NDRG2: variants seen among roughly 807,000 people sequenced by gnomAD.
The protein encoded by NDRG2 is protein NDRG2.
A neutral mutation model predicts 58.2 loss-of-function variants in NDRG2; 34 were observed. The ratio of observed to expected loss-of-function variants is 0.58; its 90% CI spans 0.44 to 0.78. NDRG2 has a LOEUF of 0.78. NDRG2 is among the 30% of genes least tolerant of loss of function. The pLI is 0.00. For missense variants in NDRG2, 434 were observed against 471.2 expected (o/e 0.92, Z 0.73); for synonymous variants, 187 against 175.9 (o/e 1.06, Z -0.50).
At chr14:21,054,663 C>A (rs1885600318) in intron 1 of NDRG2, among the ~76,000 whole-genome samples, 1 of 152,126 alleles carries the variant, frequency 6.6e-6, no homozygotes, top group African/African-American at 2.4e-5. Context: ...AACTTTGGAG[C>A]CAAACAGAAC....
intron 1 of NDRG2, among the ~76,000 whole-genome samples, chr14:21,039,767 C>T (rs1310106527): frequency 6.6e-6 from 1 of 152,172 alleles, no homozygotes; most frequent in Non-Finnish European, 1.5e-5. Flanking sequence ...CTCTCTTTTC[C>T]CTTTGGACTG....
At chr14:21,052,008 A>G (rs372778686) in intron 1 of NDRG2, among the ~76,000 whole-genome samples, 125 of 152,286 alleles carry the variant, frequency 8.2e-4, no homozygotes, top group African/African-American at 2.8e-3. Flanking sequence ...AGAGTCTACT[A>G]TTAGGCCTCT....
At chr14:21,027,770 A>G (rs1483124613), upstream of NDRG2, among the ~76,000 whole-genome samples, 3 of 152,352 alleles carry the variant, frequency 2.0e-5, no homozygotes, top group South Asian at 4.1e-4. Context: ...GCTGTGGCCC[A>G]CAGTCTAGAA....
intron 1 of NDRG2, chr14:21,030,858 C>T: frequency 6.6e-7 from 1 of 1,512,956 alleles, no homozygotes; most frequent in South Asian, 1.3e-5. Flanking sequence ...CTACCAAGCA[C>T]CACAGGGTAC....
chr14:21,045,929 C>T (rs946292520), intron 1 of NDRG2, among the ~76,000 whole-genome samples: 2 of 151,982 alleles, frequency 1.3e-5, no homozygotes, highest in East Asian at 3.9e-4. Flanking sequence ...TATGTGAAAG[C>T]TCATTGAACT....
Position 21,018,839 on chromosome 14 carries a change from G to A in NDRG2, c.762-25C>T, listed in dbSNP as rs76817811. On this transcript the variant is annotated intron_variant, in intron 11 of 15. Transcript: ENST00000556147. The stretch of plus-strand genomic sequence containing the variant: ...CCTAAAGACACAGTGTTGGGGAGAA[G>A]GCAGTGAGCCCCTGGCACTCCCTCA... The A allele has an allele frequency of 3.1e-4, 507 of 1,613,962 alleles. No individual in the cohort carries two copies. In the African/African-American group the frequency reaches 6.0e-3, roughly 19 times the overall value.
chr14:21,029,075 A>G (rs953583925), upstream of NDRG2: 2 of 152,178 alleles, frequency 1.3e-5, no homozygotes, highest in Admixed American at 6.5e-5. Flanking sequence ...CCCTCAGTCT[A>G]TCCCAGTTTT....
intron 1 of NDRG2, among the ~76,000 whole-genome samples, chr14:21,039,699 T>C (rs1171153387): frequency 6.6e-6 from 1 of 152,214 alleles, no homozygotes; most frequent in Non-Finnish European, 1.5e-5. Context: ...TTCAGTTGAA[T>C]TGCACGTATG....
intron 1 of NDRG2, chr14:21,036,332 GGGTA>G (rs1884626405): frequency 6.7e-6 from 3 of 447,152 alleles, no homozygotes; most frequent in Admixed American, 2.4e-5. Context: ...GTTTCTCATA[GGGTA>G]GGGGTGCCCA....
At chr14:21,034,155 G>T in intron 1 of NDRG2, 1 of 1,614,108 alleles carries the variant, frequency 6.2e-7, no homozygotes, top group Non-Finnish European at 8.5e-7. Context: ...GAAACCCTTT[G>T]GGTAGTTAAC....
chr14:21,055,870 T>C (rs953344877), intron 1 of NDRG2, among the ~76,000 whole-genome samples: 6 of 151,048 alleles, frequency 4.0e-5, no homozygotes, highest in African/African-American at 1.5e-4. Flanking sequence ...TGGGAGGGAG[T>C]AGTGCAGAGG....
chr14:21,018,581 G>C, intron 12 of NDRG2, 77 bp from the exon 13 acceptor site: 1 of 1,575,770 alleles, frequency 6.3e-7, no homozygotes, highest in Non-Finnish European at 8.6e-7. Context: ...CAGGAACCCA[G>C]ACCCCAGTCC....
intron 1 of NDRG2, among the ~76,000 whole-genome samples, chr14:21,058,855 T>G (rs963959845): frequency 6.6e-6 from 1 of 152,172 alleles, no homozygotes; most frequent in Non-Finnish European, 1.5e-5. Flanking sequence ...CTGTTGCTGA[T>G]GGAGTGTGTG....
chr14:21,058,238 C>G, intron 1 of NDRG2: 1 of 1,614,112 alleles, frequency 6.2e-7, no homozygotes. Context: ...AGGGAAGTAC[C>G]CAAACTGCAG....
chr14:21,042,905 G>A, intron 1 of NDRG2: 1 of 1,108,850 alleles, frequency 9.0e-7, no homozygotes, highest in Non-Finnish European at 1.3e-6. Flanking sequence ...TAGCTCATAT[G>A]AGCAGGTATA....
At chr14:21,040,372 T>C (rs189650487) in intron 1 of NDRG2, among the ~76,000 whole-genome samples, 13 of 152,298 alleles carry the variant, frequency 8.5e-5, no homozygotes, top group African/African-American at 2.4e-4. Flanking sequence ...ACTAAAATAA[T>C]GTCCTCCTGG....
upstream of NDRG2, among the ~76,000 whole-genome samples, chr14:21,027,224 G>C (rs1883746325): frequency 6.6e-6 from 1 of 152,184 alleles, no homozygotes; most frequent in African/African-American, 2.4e-5. Flanking sequence ...TCCATGTCAG[G>C]GCAGCTCCCA....
At chr14:21,019,309 A>C in intron 10 of NDRG2, 149 bp from the exon 11 acceptor site, 1 of 760,370 alleles carries the variant, frequency 1.3e-6, no homozygotes, top group Non-Finnish European at 2.1e-6. Context: ...AGAAAGGGGC[A>C]GGCAGGCCCC....
chr14:21,020,324 A>G, intron 8 of NDRG2, 172 bp downstream of exon 8: 2 of 597,066 alleles, frequency 3.3e-6, no homozygotes, highest in Non-Finnish European at 5.9e-6. Flanking sequence ...AAAGAAAAAG[A>G]AAGTTCAGGA....
Sources: allele counts gnomAD v4.1 joint callset (sites outside exome capture counted in the v4.1 genomes callset), GRCh38; gene constraint gnomAD v4.1.1; transcripts MANE v1.5; gene names NCBI Gene and HGNC (gene_info 2026-07-23, HGNC 2026-07-21).